CNTN3: variants seen among roughly 807,000 people sequenced by gnomAD.
CNTN3 encodes the protein contactin 3.
CNTN3 carries 60 observed loss-of-function variants against 119.1 expected under a neutral mutation model. The observed-to-expected ratio is 0.50, with a 90% CI of 0.41 to 0.62. The LOEUF is 0.62. Ranked by LOEUF, CNTN3 falls within the 20% of genes least tolerant of loss-of-function variation. The pLI is 0.00. For missense variants in CNTN3, 1,101 were observed against 1,242.4 expected (o/e 0.89, Z 1.71); for synonymous variants, 450 against 438.7 (o/e 1.03, Z -0.32).
chr3:74,473,269 G>T (rs943038497), intron 4 of CNTN3, among the ~76,000 whole-genome samples: 1 of 151,590 alleles, frequency 6.6e-6, no homozygotes, highest in Non-Finnish European at 1.5e-5. Context: ...TATGTGAGGG[G>T]GTAGACTCCT....
chr3:74,450,810 A>G (rs1168386762), intron 4 of CNTN3, among the ~76,000 whole-genome samples: 3 of 151,588 alleles, frequency 2.0e-5, no homozygotes, highest in African/African-American at 7.3e-5. Context: ...ACGATTCCCA[A>G]TTTCATCCAT....
intron 13 of CNTN3, among the ~76,000 whole-genome samples, chr3:74,316,579 T>C (rs1032372222): frequency 2.0e-5 from 3 of 152,088 alleles, no homozygotes; most frequent in African/African-American, 7.2e-5. Context: ...AGATATGAAG[T>C]CCACCCAGGT....
intron 1 of CNTN3, among the ~76,000 whole-genome samples, chr3:74,533,994 C>A (rs1703728361): frequency 6.6e-6 from 1 of 152,060 alleles, no homozygotes; most frequent in Admixed American, 6.6e-5. Flanking sequence ...AAATGACAAT[C>A]ATGTCAAGGT....
chr3:74,288,154 C>CTTTTTTTTTTTTTTTTTTT (rs1299127961), intron 19 of CNTN3, among the ~76,000 whole-genome samples: 7 of 88,258 alleles, frequency 7.9e-5, no homozygotes, highest in Non-Finnish European at 9.5e-5. Context: ...CTTTTCTTTT[C>CTTTTTTTTTTTTTTTTTTT]TTTTCTTTTT....
chr3:74,583,600 G>A (rs1704549197), intron 1 of CNTN3, among the ~76,000 whole-genome samples: 1 of 152,182 alleles, frequency 6.6e-6, no homozygotes, highest in Non-Finnish European at 1.5e-5. Flanking sequence ...ATGACCATGA[G>A]AGGAATTTCT....
intron 4 of CNTN3, among the ~76,000 whole-genome samples, chr3:74,453,331 T>C (rs1205978071): frequency 2.6e-5 from 4 of 152,296 alleles, no homozygotes; most frequent in African/African-American, 7.2e-5. Context: ...TCTCTGATGG[T>C]AGTTTGTATT....
intron 20 of CNTN3, 65 bp from the exon 21 acceptor site, chr3:74,267,443 G>A (rs1277281798): frequency 2.0e-5 from 22 of 1,126,094 alleles, no homozygotes; most frequent in Non-Finnish European, 3.0e-5. Flanking sequence ...ACACGGAGGA[G>A]ATGGCGGCTA....
At chr3:74,595,008 A>C (rs1704777176) in intron 1 of CNTN3, among the ~76,000 whole-genome samples, 2 of 152,268 alleles carry the variant, frequency 1.3e-5, no homozygotes, top group Admixed American at 1.3e-4. Context: ...GTGAGATGGT[A>C]TCTCATTGTG....
chr3:74,588,616 C>A (rs1432392283), intron 1 of CNTN3, among the ~76,000 whole-genome samples: 9 of 151,834 alleles, frequency 5.9e-5, no homozygotes, highest in East Asian at 1.9e-4. Flanking sequence ...TTTAACGTTC[C>A]TATGGAACCA....
rs543967325 is a variant in CNTN3, at chr3:74,370,372, G to A, written c.659-381C>T. ...ACTGAGCCTTTACATTACACAAAATGGGAGGCTTTGAAATTGTGTATTCAA... is the reference window on the plus strand; with the variant it reads ...ACTGAGCCTTTACATTACACAAAATAGGAGGCTTTGAAATTGTGTATTCAA... On this transcript the variant is annotated intron_variant, in intron 6 of 22. Coordinates refer to ENST00000263665, the MANE Select transcript of CNTN3 (RefSeq NM_020872.3). Among the ~76,000 whole-genome samples the A allele has an allele frequency of 3.9e-5, 6 of 152,170 alleles. 1 individual carries two copies. The highest frequency in any genetic ancestry group is 1.4e-4 in the African/African-American group (6 of 41,540).
At chr3:74,483,609 G>T (rs1226201320) in intron 4 of CNTN3, among the ~76,000 whole-genome samples, 1 of 152,108 alleles carries the variant, frequency 6.6e-6, no homozygotes, top group Non-Finnish European at 1.5e-5. Flanking sequence ...TCTAAGCCCA[G>T]TGTTTCCCAT....
chr3:74,542,895 G>A (rs1165942671), intron 1 of CNTN3, among the ~76,000 whole-genome samples: 2 of 152,118 alleles, frequency 1.3e-5, no homozygotes, highest in African/African-American at 2.4e-5. Flanking sequence ...GGGGCTGGAG[G>A]ATTGCTTGAG....
At chr3:74,342,034 G>A (rs1703560980) in intron 11 of CNTN3, among the ~76,000 whole-genome samples, 1 of 151,822 alleles carries the variant, frequency 6.6e-6, no homozygotes, top group Admixed American at 6.6e-5. Flanking sequence ...TCTTTTAGAT[G>A]GTACTTTCTG....
At chr3:74,365,064 T>G (rs1410723127) in intron 9 of CNTN3, among the ~76,000 whole-genome samples, 1 of 152,072 alleles carries the variant, frequency 6.6e-6, no homozygotes, top group Non-Finnish European at 1.5e-5. Context: ...TTCTAGGTAG[T>G]ATGAAAGGTT....
intron 13 of CNTN3, among the ~76,000 whole-genome samples, chr3:74,334,149 A>G (rs1703333676): frequency 6.6e-6 from 1 of 152,216 alleles, no homozygotes; most frequent in Non-Finnish European, 1.5e-5. Context: ...GACAGAATGG[A>G]AACATTAGAA....
At chr3:74,537,545 T>C (rs564851523) in intron 1 of CNTN3, among the ~76,000 whole-genome samples, 15 of 152,274 alleles carry the variant, frequency 9.9e-5, no homozygotes, top group African/African-American at 3.6e-4. Flanking sequence ...CAAGACTCAA[T>C]GGCATCTTTG....
At chr3:74,389,791 C>G (rs558541411) in intron 5 of CNTN3, among the ~76,000 whole-genome samples, 2 of 152,196 alleles carry the variant, frequency 1.3e-5, no homozygotes, top group Non-Finnish European at 2.9e-5. Flanking sequence ...CTCAGACTGG[C>G]CATTATTGTC....
At chr3:74,552,427 G>T (rs1316939256) in intron 1 of CNTN3, among the ~76,000 whole-genome samples, 1 of 152,182 alleles carries the variant, frequency 6.6e-6, no homozygotes, top group Non-Finnish European at 1.5e-5. Flanking sequence ...AGCAATGAGT[G>T]AGAGTTCTGT....
intron 1 of CNTN3, among the ~76,000 whole-genome samples, chr3:74,590,364 C>A (rs1474216024): frequency 6.6e-6 from 1 of 151,854 alleles, no homozygotes; most frequent in East Asian, 1.9e-4. Flanking sequence ...ACACAGATGC[C>A]CAACTATCAC....
Sources: gnomAD v4.1 joint callset for allele counts (sites outside exome capture counted in the v4.1 genomes callset) on GRCh38, gnomAD v4.1.1 for gene constraint, MANE v1.5 for transcripts, NCBI Gene and HGNC (gene_info 2026-07-23, HGNC 2026-07-21) for gene names.